FHOD3: variants seen among roughly 807,000 people sequenced by gnomAD.
The protein encoded by FHOD3 is formin homology 2 domain containing 3.
FHOD3 carries 90 observed loss-of-function variants against 173.0 expected under a neutral mutation model. The ratio of observed to expected loss-of-function variants is 0.52; its 90% confidence interval spans 0.44 to 0.62. FHOD3 has a LOEUF of 0.62. Ranked by LOEUF, FHOD3 falls within the 20% of genes least tolerant of loss-of-function variation. The probability of loss-of-function intolerance (pLI) is 0.00; values close to 1 mark genes in which losing one functional copy is unlikely to be tolerated. For synonymous variants in FHOD3, 828 were observed against 823.0 expected, an observed-to-expected ratio of 1.01 and a Z score of -0.10; for missense variants, 1,945 against 2,034.7, an observed-to-expected ratio of 0.96 and a Z score of 0.85.
intron 19 of FHOD3, among the ~76,000 whole-genome samples, chr18:36,725,908 T>C (rs2149854284): frequency 6.6e-6 from 1 of 152,290 alleles, no homozygotes; most frequent in East Asian, 1.9e-4. Flanking sequence ...ATTCCAACTA[T>C]TCTAGGGCCA....
chr18:36,411,078 A>G (rs1296338503), intron 3 of FHOD3, among the ~76,000 whole-genome samples: 3 of 152,128 alleles, frequency 2.0e-5, no homozygotes, highest in Non-Finnish European at 2.9e-5. Flanking sequence ...TCTAAGAAAT[A>G]ATTGCCTAAT....
intron 3 of FHOD3, among the ~76,000 whole-genome samples, chr18:36,455,550 T>C (rs1708699): frequency 0.75 from 113,550 of 151,196 alleles, 43,754 homozygotes; most frequent in African/African-American, 0.92. Flanking sequence ...TAGACAGATG[T>C]CGGCAATGTT....
chr18:36,719,855 G>GTT (rs2040662905), intron 19 of FHOD3, among the ~76,000 whole-genome samples: 1 of 152,112 alleles, frequency 6.6e-6, no homozygotes, highest in Non-Finnish European at 1.5e-5. Context: ...GGCCAGCCAG[G>GTT]GGAGCTGTAG....
At chr18:36,452,965 A>G (rs1052689560) in intron 3 of FHOD3, among the ~76,000 whole-genome samples, 2 of 151,962 alleles carry the variant, frequency 1.3e-5, no homozygotes, top group African/African-American at 2.4e-5. Context: ...GCTATTGTAA[A>G]CATCTCTTTG....
rs530577226 is a variant in FHOD3, at chr18:36,645,592, A to G, written c.1197-3724A>G. Among the ~76,000 whole-genome samples, 7 of 152,254 alleles carry G rather than the reference A, an allele frequency of 4.6e-5. No homozygotes were observed. The East Asian group carries it at 7.7e-4, about 17-fold the overall frequency. ...TCTCAATCCCTCTACCTACCTCTTT[A>G]TAAGGCCAGTATAACCTTGATTTCA... On this transcript the variant is annotated intron_variant, in intron 10 of 28. Transcript: ENST00000590592.
At chr18:36,606,054 G>C (rs1053773523) in intron 8 of FHOD3, among the ~76,000 whole-genome samples, 3 of 152,184 alleles carry the variant, frequency 2.0e-5, no homozygotes, top group Admixed American at 6.5e-5. Flanking sequence ...GGCTGGCTTA[G>C]GGTGTTCAGG....
chr18:36,329,265 C>T (rs551246063), intron 1 of FHOD3, among the ~76,000 whole-genome samples: 2 of 152,280 alleles, frequency 1.3e-5, no homozygotes, highest in African/African-American at 4.8e-5. Flanking sequence ...ACACAAGCAC[C>T]TCTGTCTCGT....
intron 3 of FHOD3, among the ~76,000 whole-genome samples, chr18:36,424,098 A>G (rs58539289): frequency 0.014 from 2,096 of 152,130 alleles, 36 homozygotes; most frequent in African/African-American, 0.048. Flanking sequence ...TCTCCCACCT[A>G]CCTCAGTTCA....
intron 1 of FHOD3, among the ~76,000 whole-genome samples, chr18:36,315,487 T>C (rs1022834812): frequency 3.9e-5 from 6 of 151,982 alleles, no homozygotes; most frequent in African/African-American, 1.4e-4. Flanking sequence ...GAAGTTTTTA[T>C]CAGGTTCCCT....
intron 24 of FHOD3, among the ~76,000 whole-genome samples, chr18:36,753,384 C>T (rs142770068): frequency 3.3e-5 from 5 of 152,308 alleles, no homozygotes; most frequent in South Asian, 2.1e-4. Flanking sequence ...TAGGGCTAGT[C>T]GTCCAGGGCC....
In FHOD3 at chr18:36,482,139, T is replaced by G. The variant is rs570837060; in HGVS notation, c.338-19793T>G. 1.2e-4 allele frequency among the ~76,000 whole-genome samples: 19 copies of G among 152,290 alleles called. No individual in the cohort carries two copies. In the South Asian group the frequency reaches 2.5e-3, roughly 20 times the overall value. On this transcript the variant is annotated intron_variant, in intron 3 of 28. Coordinates refer to ENST00000590592, the MANE Select transcript of FHOD3 (RefSeq NM_001281740.3). ...AGGGGGAGGGTACTGGTTCTTTCAT[T>G]CACCCTACCTATTATGTGTCAGTCA...
intron 3 of FHOD3, among the ~76,000 whole-genome samples, chr18:36,437,880 T>C (rs1449618638): frequency 6.6e-6 from 1 of 152,108 alleles, no homozygotes; most frequent in Non-Finnish European, 1.5e-5. Context: ...GCCAGGATGG[T>C]CTTGATCTCC....
chr18:36,657,149 A>G (rs2149173107), intron 13 of FHOD3, among the ~76,000 whole-genome samples: 1 of 152,326 alleles, frequency 6.6e-6, no homozygotes, highest in African/African-American at 2.4e-5. Context: ...TTGTGTCCTT[A>G]TAGTGACTGT....
Position 36,602,708 on chromosome 18 carries a change from G to C in FHOD3, c.753G>C (p.Leu251=), listed in dbSNP as rs778962789. The C allele has an allele frequency of 6.2e-7, 1 of 1,614,158 alleles. No individual in the cohort carries two copies. The highest frequency in any genetic ancestry group is 8.5e-7 in the Non-Finnish European group (1 of 1,180,012). ...VKPWSNIMEI[L]EEKDGVDTEL... is the part of the protein sequence containing the mutation. ...CTTGGTCAAATATCATGGAAATCCT[G>C]GAGGAAAAAGATGGAGTTGATACGG... Residue 251 remains leucine, a synonymous_variant, in exon 8 of 29, where the codon CTG becomes CTC. Coordinates refer to ENST00000590592, the MANE Select transcript of FHOD3 (RefSeq NM_001281740.3).
At position 36,387,413 on chromosome 18, in the gene FHOD3, C is replaced by T. The variant is rs139886652; in HGVS notation, c.337+14669C>T. 2.6e-5 allele frequency among the ~76,000 whole-genome samples: 4 copies of T among 152,274 alleles called. No homozygotes were observed. In the East Asian group the frequency reaches 7.7e-4, roughly 29 times the overall value. On this transcript the variant is annotated intron_variant, in intron 3 of 28. Transcript: ENST00000590592. ...ATGTGAGCTTTGTTGTTATTACTGT[C>T]AAAATCCAGCAATTTCTTGTGGGTA... is the stretch of plus-strand genomic sequence containing the variant.
chr18:36,346,769 A>G (rs2045897425), intron 1 of FHOD3, among the ~76,000 whole-genome samples: 2 of 152,214 alleles, frequency 1.3e-5, no homozygotes, highest in Non-Finnish European at 2.9e-5. Context: ...GCTCACAGCC[A>G]TTCCATTTCA....
chr18:36,637,226 G>A (rs1023786225), intron 10 of FHOD3, among the ~76,000 whole-genome samples: 1 of 152,164 alleles, frequency 6.6e-6, no homozygotes. Context: ...GTTGAGACAG[G>A]AATACTGTCT....
chr18:36,612,647 GAAAAATT>G (rs2032805735), intron 9 of FHOD3, among the ~76,000 whole-genome samples: 1 of 152,086 alleles, frequency 6.6e-6, no homozygotes. Context: ...CGTAAGGAAA[GAAAAATT>G]AAAAATTAAA....
intron 16 of FHOD3, 51 bp from the exon 17 acceptor site, chr18:36,693,157 GC>G: frequency 6.5e-7 from 1 of 1,541,750 alleles, no homozygotes; most frequent in African/African-American, 1.4e-5. Context: ...ACAAGCATCA[GC>G]CACAGGCTCC....
Sources: allele counts gnomAD v4.1 joint callset (sites outside exome capture counted in the v4.1 genomes callset), GRCh38; gene constraint gnomAD v4.1.1; transcripts MANE v1.5; gene names NCBI Gene and HGNC (gene_info 2026-07-23, HGNC 2026-07-21).